LOC112694756: variants seen among roughly 807,000 people sequenced by gnomAD.
chr16:30,068,386 GTAAC>G, the LOC112694756 span: 4 of 521,242 alleles, frequency 7.7e-6, no homozygotes, highest in South Asian at 7.9e-5. Context: ...TATTTTAATT[GTAAC>G]TAAGTGAAAA....
At chr16:30,068,602 A>C in the LOC112694756 span, 1 of 1,604,638 alleles carries the variant, frequency 6.2e-7, no homozygotes, top group Admixed American at 1.7e-5. Flanking sequence ...AGGGTGCTAG[A>C]GGTCATTTCC....
the LOC112694756 span, chr16:30,067,574 C>G: frequency 6.2e-7 from 1 of 1,614,080 alleles, no homozygotes; most frequent in Non-Finnish European, 8.5e-7. Context: ...GTGTCATCCT[C>G]TTCCATGAGA....
the LOC112694756 span, chr16:30,067,805 T>A: frequency 1.1e-6 from 1 of 881,910 alleles, no homozygotes; most frequent in Non-Finnish European, 1.8e-6. Context: ...TTACTCGACA[T>A]TTTTAATCCT....
At chr16:30,058,735 G>T in the LOC112694756 span, among the ~76,000 whole-genome samples, 2 of 151,754 alleles carry the variant, frequency 1.3e-5, no homozygotes, top group Non-Finnish European at 2.9e-5. Flanking sequence ...GCCCGCCTTG[G>T]CCTCCCAAAG....
chr16:30,058,482 T>C, the LOC112694756 span, among the ~76,000 whole-genome samples: 1 of 150,304 alleles, frequency 6.7e-6, no homozygotes, highest in East Asian at 2.0e-4. Context: ...CTTCTTTTTT[T>C]TTTCTTTTTT....
At chr16:30,060,501 T>A in the LOC112694756 span, among the ~76,000 whole-genome samples, 1 of 152,092 alleles carries the variant, frequency 6.6e-6, no homozygotes, top group Non-Finnish European at 1.5e-5. Flanking sequence ...CCTTGTTTAA[T>A]GTACTTAAAC....
chr16:30,067,570 T>A, the LOC112694756 span: 1 of 1,613,900 alleles, frequency 6.2e-7, no homozygotes, highest in Non-Finnish European at 8.5e-7. Context: ...GGGGGTGTCA[T>A]CCTCTTCCAT....
the LOC112694756 span, chr16:30,068,462 A>G: frequency 1.6e-5 from 11 of 697,036 alleles, no homozygotes; most frequent in Admixed American, 2.0e-4. Flanking sequence ...GACTGGGGCT[A>G]AAGAAGAGGA....
chr16:30,068,737 C>G, the LOC112694756 span: 1 of 1,614,118 alleles, frequency 6.2e-7, no homozygotes. Context: ...ACGAACCCAA[C>G]CAGAGCAGGT....
chr16:30,067,897 A>C, the LOC112694756 span: 1 of 577,838 alleles, frequency 1.7e-6, no homozygotes. Flanking sequence ...TTTTGCTCAG[A>C]GTAAGTGGCA....
At chr16:30,055,347 C>G in the LOC112694756 span, 3 of 399,036 alleles carry the variant, frequency 7.5e-6, no homozygotes, top group Non-Finnish European at 8.8e-6. Context: ...ATTCCTACCC[C>G]CTGCCCCACT....
chr16:30,054,188 C>T, the LOC112694756 span, among the ~76,000 whole-genome samples: 13 of 151,810 alleles, frequency 8.6e-5, no homozygotes, highest in Non-Finnish European at 1.8e-4. Flanking sequence ...GGCGTCGTGG[C>T]GCGCACCTGT....
the LOC112694756 span, among the ~76,000 whole-genome samples, chr16:30,056,002 T>C: frequency 3.3e-5 from 5 of 152,074 alleles, no homozygotes; most frequent in East Asian, 9.6e-4. Flanking sequence ...GGTTTCATCA[T>C]GTTGGCCAGG....
the LOC112694756 span, among the ~76,000 whole-genome samples, chr16:30,056,152 T>G: frequency 7.1e-6 from 1 of 140,614 alleles, no homozygotes; most frequent in Non-Finnish European, 1.5e-5. Flanking sequence ...CTCTGTTGCC[T>G]AGGCTAGAGT....
chr16:30,069,722 C>G, the LOC112694756 span: 2 of 1,611,792 alleles, frequency 1.2e-6, no homozygotes, highest in East Asian at 4.5e-5. Context: ...AAGCTCCACC[C>G]ACAACCCTAT....
chr16:30,064,860 G>A, the LOC112694756 span: 6 of 199,956 alleles, frequency 3.0e-5, no homozygotes, highest in African/African-American at 4.6e-5. Flanking sequence ...TGGGGTCCAG[G>A]TGAGGAGGGG....
chr16:30,059,391 G>A, the LOC112694756 span, among the ~76,000 whole-genome samples: 4 of 151,806 alleles, frequency 2.6e-5, no homozygotes, highest in East Asian at 2.0e-4. Context: ...CCAGCTACTC[G>A]GGAGGCTGAG....
the LOC112694756 span, chr16:30,069,982 A>G: frequency 6.8e-6 from 11 of 1,613,768 alleles, no homozygotes; most frequent in Admixed American, 6.7e-5. Flanking sequence ...GGGCGGGAAG[A>G]AGGAGAACCT....
chr16:30,054,830 C>A, the LOC112694756 span: 2 of 399,328 alleles, frequency 5.0e-6, no homozygotes, highest in African/African-American at 4.1e-5. Flanking sequence ...GTCAGCAGCC[C>A]TCCCCTGCTG....
Sources: gnomAD v4.1 joint callset for allele counts (sites outside exome capture counted in the v4.1 genomes callset) on GRCh38, gnomAD v4.1.1 for gene constraint, MANE v1.5 for transcripts.